The following DOCK1 variants were observed in gnomAD, a reference collection of about 807,000 sequenced individuals.
DOCK1 encodes dedicator of cytokinesis 1, also known as dedicator of cytokinesis protein 1.
In DOCK1, 138 loss-of-function variants were observed where a neutral mutation model predicts 262.7. The ratio of observed to expected loss-of-function variants is 0.53; its 90% CI spans 0.46 to 0.61. The LOEUF (loss-of-function observed/expected upper bound fraction) is 0.61. Ranked by LOEUF, DOCK1 falls within the 20% of genes least tolerant of loss-of-function variation. The pLI is 0.00. For missense variants in DOCK1, 1,908 were observed against 2,370.7 expected, an observed-to-expected ratio of 0.80 and a Z score of 4.05; for synonymous variants, 866 against 867.4, an observed-to-expected ratio of 1.00 and a Z score of 0.03.
At chr10:127,238,080 A>G (rs2059135219) in intron 27 of DOCK1, among the ~76,000 whole-genome samples, 1 of 152,182 alleles carries the variant, frequency 6.6e-6, no homozygotes, top group African/African-American at 2.4e-5. Context: ...TGCAACTCCT[A>G]TGAATAACTG....
intron 26 of DOCK1, among the ~76,000 whole-genome samples, chr10:127,127,132 C>T (rs2050014165): frequency 6.6e-6 from 1 of 152,184 alleles, no homozygotes; most frequent in Admixed American, 6.5e-5. Flanking sequence ...TGTGTTTAAG[C>T]AGATTCATAG....
chr10:127,349,634 C>T lies in DOCK1; in HGVS notation c.3225-5035C>T, dbSNP rs75809120. Reference sequence around the variant, plus strand: ...GTCTGCCATAACAGTGAACACAAACCGGGTGGCTTGAATTGATTGTCTCAC... The same window carrying T: ...GTCTGCCATAACAGTGAACACAAACTGGGTGGCTTGAATTGATTGTCTCAC... On this transcript the variant is annotated intron_variant, in intron 31 of 51. Coordinates refer to ENST00000623213, the MANE Select transcript of DOCK1 (RefSeq NM_001290223.2). 6.6e-3 allele frequency among the ~76,000 whole-genome samples: 1,012 copies of T among 152,286 alleles called. 6 individuals are homozygous for T. Among genetic ancestry groups the T allele is most frequent in the African/African-American group, 0.023 (963 of 41,550 alleles).
chr10:127,290,020 A>T (rs2061296456), intron 29 of DOCK1, among the ~76,000 whole-genome samples: 1 of 150,358 alleles, frequency 6.7e-6, no homozygotes. Flanking sequence ...TGTTTCTGTT[A>T]TGGAGTTTTC....
chr10:127,280,455 C>T (rs2060919624), intron 29 of DOCK1, among the ~76,000 whole-genome samples: 1 of 152,152 alleles, frequency 6.6e-6, no homozygotes, highest in African/African-American at 2.4e-5. Context: ...CACGCAGCAT[C>T]ATGCTTACCC....
In DOCK1 at chr10:126,971,438, G is replaced by T. The variant is rs1168700063; in HGVS notation, c.130+653G>T. On this transcript the variant is annotated intron_variant, in intron 2 of 51. Transcript: ENST00000623213. ...AGTTTACTTCGTTGTTTTGAGACAG[G>T]GTCTTGCTCCATCGTGCAGGTTGGA... 4.4e-4 allele frequency among the ~76,000 whole-genome samples: 67 copies of T among 152,056 alleles called. 1 individual carries two copies. The highest frequency in any genetic ancestry group is 4.4e-3 in the Admixed American group (67 of 15,268).
At chr10:127,333,763 G>A (rs942591263) in intron 29 of DOCK1, among the ~76,000 whole-genome samples, 25 of 152,174 alleles carry the variant, frequency 1.6e-4, no homozygotes, top group Non-Finnish European at 2.8e-4. Flanking sequence ...CCAAAGACGC[G>A]CAGAACTGCA....
At chr10:127,112,826 T>A (rs1425820705) in intron 25 of DOCK1, among the ~76,000 whole-genome samples, 1 of 152,206 alleles carries the variant, frequency 6.6e-6, no homozygotes, top group East Asian at 1.9e-4. Context: ...TGCTTAGTGG[T>A]TGCCTAGAAG....
At chr10:127,078,053 G>T (rs2046674789) in intron 23 of DOCK1, among the ~76,000 whole-genome samples, 1 of 152,216 alleles carries the variant, frequency 6.6e-6, no homozygotes, top group African/African-American at 2.4e-5. Flanking sequence ...GGACGAGGAG[G>T]TGCTGTGCTA....
chr10:127,302,645 C>A (rs1408229631), intron 29 of DOCK1, among the ~76,000 whole-genome samples: 1 of 151,770 alleles, frequency 6.6e-6, no homozygotes, highest in Non-Finnish European at 1.5e-5. Context: ...TAAATGTATT[C>A]TTCAGTTGAA....
At chr10:127,133,459 T>C in intron 27 of DOCK1, among the ~76,000 whole-genome samples, 1 of 152,220 alleles carries the variant, frequency 6.6e-6, no homozygotes, top group East Asian at 1.9e-4. Context: ...TACTGTTTGC[T>C]AATAAACCTG....
intron 31 of DOCK1, chr10:127,344,213 C>G (rs1261971330): frequency 6.5e-6 from 1 of 154,244 alleles, no homozygotes; most frequent in East Asian, 1.9e-4. Flanking sequence ...TTTGAATGGA[C>G]TGAAGCGGCA....
At chr10:127,004,769 G>GCC (rs1285670669) in intron 10 of DOCK1, among the ~76,000 whole-genome samples, 2 of 14,308 alleles carry the variant, frequency 1.4e-4, no homozygotes, top group African/African-American at 2.5e-4. Context: ...CCCCTGCCCC[G>GCC]CCACCCCCCC....
intron 29 of DOCK1, among the ~76,000 whole-genome samples, chr10:127,259,730 G>A (rs1349471326): frequency 1.3e-5 from 2 of 151,918 alleles, no homozygotes; most frequent in South Asian, 2.1e-4. Context: ...CATTCATGTC[G>A]CTCCTACTCC....
intron 33 of DOCK1, among the ~76,000 whole-genome samples, chr10:127,372,740 C>T (rs527544794): frequency 3.3e-5 from 5 of 152,300 alleles, no homozygotes; most frequent in African/African-American, 1.2e-4. Flanking sequence ...TTAGAGAGAT[C>T]CTGGAGACCC....
In DOCK1 at chr10:127,439,235, C is replaced by A; in HGVS notation, c.5259+10C>A. 1 of 1,603,946 alleles carries A rather than the reference C, an allele frequency of 6.2e-7. No homozygotes were observed. The highest frequency in any genetic ancestry group is 1.7e-5 in the Admixed American group (1 of 58,694). The stretch of plus-strand genomic sequence containing the variant: ...GATCCTTTCGGAAACGGTAACCCGA[C>A]AGGGTATCTTTCCTCGCTCTGCGGT... On this transcript the variant is annotated intron_variant, in intron 49 of 51. Transcript: ENST00000623213.
intron 23 of DOCK1, among the ~76,000 whole-genome samples, chr10:127,088,467 G>T (rs2136074304): frequency 6.6e-6 from 1 of 152,220 alleles, no homozygotes; most frequent in South Asian, 2.1e-4. Flanking sequence ...TGTTTCGTTT[G>T]TCCTGGATAT....
At chr10:127,236,500 GTTT>G (rs771387854) in intron 27 of DOCK1, among the ~76,000 whole-genome samples, 8,850 of 66,392 alleles carry the variant, frequency 0.13, 180 homozygotes, top group Non-Finnish European at 0.18. Flanking sequence ...CTTGACACGG[GTTT>G]TTTTTTTTTT....
At chr10:127,381,048 A>G (rs2065797628) in intron 36 of DOCK1, among the ~76,000 whole-genome samples, 1 of 152,222 alleles carries the variant, frequency 6.6e-6, no homozygotes, top group Non-Finnish European at 1.5e-5. Flanking sequence ...AATGAAAAGG[A>G]ATGAAAAATT....
chr10:126,950,416 C>T lies in DOCK1; in HGVS notation c.47-20286C>T, dbSNP rs1475586054. On this transcript the variant is annotated intron_variant, in intron 1 of 51. Transcript: ENST00000623213. ...TTAGCCTAGCTGTGACATGTAAAGGCTCTCTCTCCTTTAGACTGGGGTTCC... is the reference window on the plus strand; with the variant it reads ...TTAGCCTAGCTGTGACATGTAAAGGTTCTCTCTCCTTTAGACTGGGGTTCC... 2.0e-5 allele frequency among the ~76,000 whole-genome samples: 3 copies of T among 152,100 alleles called. No individual in the cohort carries two copies. The East Asian group carries it at 5.8e-4, about 30-fold the overall frequency.
Sources: gnomAD v4.1 joint callset for allele counts (sites outside exome capture counted in the v4.1 genomes callset) on GRCh38, gnomAD v4.1.1 for gene constraint, MANE v1.5 for transcripts, NCBI Gene and HGNC (gene_info 2026-07-23, HGNC 2026-07-21) for gene names.